DFFB: variants seen among roughly 807,000 people sequenced by gnomAD.
DFFB encodes DNA fragmentation factor 40 kDa subunit.
Under a neutral mutation model 32.7 loss-of-function variants are expected in DFFB, and 29 were observed. That is an observed-to-expected ratio of 0.89 (90% CI 0.66 to 1.21). The LOEUF is 1.21. Ranked by LOEUF, DFFB falls within the 50% of genes most tolerant of loss-of-function variation. The pLI, the probability that DFFB is intolerant of heterozygous loss-of-function variation, is 0.00. For missense variants in DFFB, 398 were observed against 440.6 expected (o/e 0.90, Z 0.87); for synonymous variants, 170 against 177.1 (o/e 0.96, Z 0.32).
chr1:3,865,949 A>T lies in DFFB; in HGVS notation c.379A>T (p.Ser127Cys). The change falls in exon 3 of 7, where the codon AGC becomes TGC. Residue 127 changes from serine (S) to cysteine (C), a missense_variant. Ser to Cys is a moderately radical substitution (Grantham distance 112). Coordinates refer to ENST00000378209, the MANE Select transcript of DFFB (RefSeq NM_004402.4). The surrounding 1 kb of genome is among the most constrained non-coding windows in gnomAD (Gnocchi z 4.7). ...RLLADLLHNVSQNIAAETRAE... is the reference protein window; with the variant it reads ...RLLADLLHNVCQNIAAETRAE... ...GCTGGCTGACCTCCTGCACAACGTC[A>T]GCCAGAACATCGCGGCCGAGACCCG... The T allele has an allele frequency of 6.2e-7, 1 of 1,603,212 alleles. No homozygotes were observed. The highest frequency in any genetic ancestry group is 8.5e-7 in the Non-Finnish European group (1 of 1,172,412).
chr1:3,873,542 T>C (rs1645161145), intron 6 of DFFB, among the ~76,000 whole-genome samples: 1 of 151,692 alleles, frequency 6.6e-6, no homozygotes, highest in Non-Finnish European at 1.5e-5. Context: ...TGCAATGATG[T>C]GATCTCGGCT....
Position 3,883,753 on chromosome 1 carries a change from C to G in DFFB, c.*12C>G. The G allele has an allele frequency of 6.2e-7, 1 of 1,609,720 alleles. No homozygotes were observed. The highest frequency in any genetic ancestry group is 2.2e-5 in the East Asian group (1 of 44,844). On this transcript the variant is annotated 3_prime_UTR_variant, in exon 7 of 7. Transcript: ENST00000378209. Reference sequence around the variant, plus strand: ...GGAAACGCCAGTGACACGTACACACCACGTCCTGGTCTTTGTTTGAGGCCT... The same window carrying G: ...GGAAACGCCAGTGACACGTACACACGACGTCCTGGTCTTTGTTTGAGGCCT...
rs1024711762 is a variant in DFFB, at chr1:3,883,706, T to G, written c.982T>G (p.Leu328Val). ...PSRIYKPQTR[L>V]KRKQPVRKRQ ...CAGAATCTACAAACCCCAGACAAGG[T>G]TGAAGCGGAAGCAGCCTGTGCGGAA... The change falls in exon 7 of 7, where the codon TTG becomes GTG. Residue 328 changes from leucine (L) to valine (V), a missense_variant. Leu to Val is a conservative substitution (Grantham distance 32). Coordinates refer to ENST00000378209, the MANE Select transcript of DFFB (RefSeq NM_004402.4). The G allele has an allele frequency of 6.2e-7, 1 of 1,614,094 alleles. No homozygotes were observed.
At chr1:3,867,907 C>T (rs762092035) in intron 3 of DFFB, 67 bp from the exon 4 acceptor site, 55 of 1,447,928 alleles carry the variant, frequency 3.8e-5, no homozygotes, top group African/African-American at 5.6e-5. Flanking sequence ...CTGGGCTGGG[C>T]AGGACACAGA....
At chr1:3,869,555 G>T in intron 4 of DFFB, 50 bp from the exon 5 acceptor site, 2 of 1,567,900 alleles carry the variant, frequency 1.3e-6, no homozygotes, top group African/African-American at 2.7e-5. Flanking sequence ...GCCAGTGCGG[G>T]TTTTGGGGCG....
intron 6 of DFFB, among the ~76,000 whole-genome samples, chr1:3,879,618 C>T (rs1445728496): frequency 2.6e-5 from 4 of 152,252 alleles, no homozygotes; most frequent in Admixed American, 6.5e-5. Flanking sequence ...TACTAGCACC[C>T]GGCGTGCGGG....
chr1:3,881,654 T>G (rs1570948590), intron 6 of DFFB, among the ~76,000 whole-genome samples: 1 of 144,126 alleles, frequency 6.9e-6, no homozygotes. Flanking sequence ...AGGTCAGGAG[T>G]TCAAGGCCAG....
intron 4 of DFFB, among the ~76,000 whole-genome samples, chr1:3,868,693 G>GGCCACACCACACCAC: frequency 1.4e-4 from 1 of 6,980 alleles, no homozygotes; most frequent in Admixed American, 1.2e-3. Flanking sequence ...CACCACACCA[G>GGCCACACCACACCAC]GCCACACCAC....
chr1:3,885,409 TAA>T lies in DFFB; in HGVS notation c.*1670_*1671del, dbSNP rs1382182916. On this transcript the variant is annotated 3_prime_UTR_variant, in exon 7 of 7. Coordinates refer to ENST00000378209, the MANE Select transcript of DFFB (RefSeq NM_004402.4). ...TTTGTTGTACAATCAGGAAAAGCAATAAAGATTTTTCAAAAATAGACATGTCA... is the reference window on the plus strand; with the variant it reads ...TTTGTTGTACAATCAGGAAAAGCAATAGATTTTTCAAAAATAGACATGTCA... The T allele has an allele frequency of 5.9e-5, 9 of 152,192 alleles. No individual in the cohort carries two copies. In the South Asian group the frequency reaches 8.3e-4, roughly 14 times the overall value. The allele number at this position is 152,192 out of a possible 1,614,324, so 9.4% of individuals were successfully genotyped here. A position where few individuals can be genotyped will look rare whatever the true frequency, so the allele number is the denominator to read the frequency against.
chr1:3,869,685 C>CCGGT lies in DFFB; in HGVS notation c.593_596dup (p.Met200ValfsTer33). On this transcript the variant is annotated frameshift_variant, in exon 5 of 7. Transcript: ENST00000378209. LOFTEE classifies it high-confidence loss of function. ...TCCTCGGCTCCATGTGCCAGAGGCT[C>CCGGT]CGGTCCATGCAGTACAATGGCAGCT... is the stretch of plus-strand genomic sequence containing the variant. 6.2e-7 allele frequency: 1 copy of CCGGT among 1,613,526 alleles called. No individual in the cohort carries two copies. The highest frequency in any genetic ancestry group is 8.5e-7 in the Non-Finnish European group (1 of 1,179,890).
intron 3 of DFFB, chr1:3,866,279 C>A: frequency 2.0e-6 from 1 of 505,514 alleles, no homozygotes; most frequent in Non-Finnish European, 3.8e-6. Flanking sequence ...TGCTCTGTCC[C>A]CCAGGCTGGA....
intron 6 of DFFB, among the ~76,000 whole-genome samples, chr1:3,883,180 T>G (rs1018318777): frequency 1.3e-5 from 2 of 152,124 alleles, no homozygotes. Flanking sequence ...ATTTTTTGTA[T>G]TTTTAGTAGA....
At chr1:3,878,176 G>T (rs538593540) in intron 6 of DFFB, among the ~76,000 whole-genome samples, 1 of 150,560 alleles carries the variant, frequency 6.6e-6, no homozygotes, top group Non-Finnish European at 1.5e-5. Flanking sequence ...TTTTGAGACG[G>T]AGTCTTGCTG....
chr1:3,866,988 C>T lies in DFFB; in HGVS notation c.431-986C>T, dbSNP rs958804143. Among the ~76,000 whole-genome samples the T allele has an allele frequency of 9.9e-5, 15 of 151,480 alleles. No homozygotes were observed. In the Middle Eastern group the frequency reaches 0.01, roughly 104 times the overall value. Reference sequence around the variant, plus strand: ...TTGGCTCACTGCAAGCTCCACCTCCCGGGTTCACGCCATTCTCCAGCCTCA... The same window carrying T: ...TTGGCTCACTGCAAGCTCCACCTCCTGGGTTCACGCCATTCTCCAGCCTCA... On this transcript the variant is annotated intron_variant, in intron 3 of 6. Transcript: ENST00000378209.
rs369365380 is a variant in DFFB, at chr1:3,866,917, A to G, written c.430+917A>G. On this transcript the variant is annotated intron_variant, in intron 3 of 6. Coordinates refer to ENST00000378209, the MANE Select transcript of DFFB (RefSeq NM_004402.4). ...ATCAAAAGTTCTTTCTTTTTTTGAG[A>G]CAGAGTCTTGCTCTGTTGCCCAGGC... 1.1e-4 allele frequency among the ~76,000 whole-genome samples: 16 copies of G among 152,226 alleles called. No homozygotes were observed. The East Asian group carries it at 1.9e-3, about 18-fold the overall frequency.
In DFFB at chr1:3,883,828, T is replaced by G. The variant is rs1638260614; in HGVS notation, c.*87T>G. ...GCCTTTTTTGTTTTTTTGTTTTTCG[T>G]TTTTTTGGTCACTCCAGTAGCTCCT... On this transcript the variant is annotated 3_prime_UTR_variant, in exon 7 of 7. Transcript: ENST00000378209. The G allele has an allele frequency of 8.5e-7, 1 of 1,179,434 alleles. No individual in the cohort carries two copies. Among genetic ancestry groups the G allele is most frequent in the South Asian group, 1.4e-5 (1 of 72,008 alleles). The allele number at this position is 1,179,434 out of a possible 1,614,324, so 73.1% of individuals were successfully genotyped here.
intron 6 of DFFB, among the ~76,000 whole-genome samples, chr1:3,882,241 G>A (rs957780101): frequency 9.0e-6 from 1 of 111,178 alleles, no homozygotes; most frequent in African/African-American, 3.2e-5. Context: ...TTTTTGTAGA[G>A]GTGGGGTTTC....
chr1:3,861,454 G>T (rs1644879253), intron 2 of DFFB, among the ~76,000 whole-genome samples: 1 of 151,944 alleles, frequency 6.6e-6, no homozygotes, highest in Admixed American at 6.6e-5. Flanking sequence ...TTTGAGACAG[G>T]GTCTCACCCT....
At chr1:3,866,052 GC>G in intron 3 of DFFB, 52 bp downstream of exon 3, 1 of 1,429,426 alleles carries the variant, frequency 7.0e-7, no homozygotes, top group Non-Finnish European at 9.3e-7. Flanking sequence ...AGCCTGAGGT[GC>G]CAGAAGAAGT....
Sources: gnomAD v4.1 joint callset for allele counts (sites outside exome capture counted in the v4.1 genomes callset) on GRCh38, gnomAD v4.1.1 for gene constraint, Gnocchi (gnomAD v3.1) non-coding constraint, MANE v1.5 for transcripts, NCBI Gene and HGNC (gene_info 2026-07-23, HGNC 2026-07-21) for gene names.